ERG: variants seen among roughly 807,000 people sequenced by gnomAD.
The protein encoded by ERG is transcriptional regulator ERG.
In ERG, 9 loss-of-function variants were observed where a neutral mutation model predicts 55.3. The observed-to-expected ratio is 0.16, with a 90% confidence interval of 0.10 to 0.28. ERG has a LOEUF of 0.28. ERG is among the 10% of genes least tolerant of loss of function. The pLI is 1.00. For synonymous variants in ERG, 223 were observed against 237.3 expected (o/e 0.94, Z 0.55); for missense variants, 434 against 631.6 (o/e 0.69, Z 3.35).
chr21:38,428,576 C>T (rs1989954887), intron 2 of ERG, among the ~76,000 whole-genome samples: 1 of 152,212 alleles, frequency 6.6e-6, no homozygotes, highest in Non-Finnish European at 1.5e-5. Flanking sequence ...AGGATGAGTG[C>T]TGCAATGTAC....
At chr21:38,525,444 C>T (rs2059623296) in intron 2 of ERG, among the ~76,000 whole-genome samples, 1 of 152,194 alleles carries the variant, frequency 6.6e-6, no homozygotes, top group Non-Finnish European at 1.5e-5. Flanking sequence ...AAAAGCCTGC[C>T]AGACATCTCT....
intron 2 of ERG, among the ~76,000 whole-genome samples, chr21:38,552,168 T>C (rs757608144): frequency 1.3e-5 from 2 of 151,886 alleles, no homozygotes; most frequent in African/African-American, 2.4e-5. Flanking sequence ...CAATAACGAA[T>C]TACAAAATTA....
intron 3 of ERG, among the ~76,000 whole-genome samples, chr21:38,409,221 T>C (rs2018566): frequency 0.87 from 131,807 of 152,004 alleles, 57,719 homozygotes; most frequent in Non-Finnish European, 0.94. Context: ...TGGTGGCTCA[T>C]ACCTGTAATC....
chr21:38,509,861 T>G (rs574760527), intron 2 of ERG, among the ~76,000 whole-genome samples: 1 of 152,314 alleles, frequency 6.6e-6, no homozygotes, highest in Non-Finnish European at 1.5e-5. Context: ...CTGTTATTAT[T>G]TTCTCTGAAA....
chr21:38,370,890 G>A, the ERG span, among the ~76,000 whole-genome samples: 2 of 151,502 alleles, frequency 1.3e-5, no homozygotes, highest in Non-Finnish European at 2.9e-5. Flanking sequence ...GCATAGCTGG[G>A]CCTGTGCAAT....
the ERG span, among the ~76,000 whole-genome samples, chr21:38,371,249 C>A: frequency 6.6e-6 from 1 of 151,954 alleles, no homozygotes; most frequent in Non-Finnish European, 1.5e-5. Context: ...TTGATTCCAA[C>A]AATTTTGCTA....
At chr21:38,635,282 T>C (rs554962790) in intron 1 of ERG, among the ~76,000 whole-genome samples, 43 of 152,264 alleles carry the variant, frequency 2.8e-4, no homozygotes, top group African/African-American at 1.0e-3. Context: ...TATAATAGTA[T>C]AGCCTACTGT....
chr21:38,466,390 C>T (rs2059090706), intron 1 of ERG, among the ~76,000 whole-genome samples: 1 of 150,458 alleles, frequency 6.6e-6, no homozygotes, highest in African/African-American at 2.4e-5. Context: ...TATAAATCAT[C>T]TCATCTTGCT....
At chr21:38,388,260 G>T (rs1987798719) in intron 9 of ERG, among the ~76,000 whole-genome samples, 1 of 152,210 alleles carries the variant, frequency 6.6e-6, no homozygotes, top group African/African-American at 2.4e-5. Context: ...GGATGTAAAG[G>T]AGCTGTGTTG....
intron 4 of ERG, 55 bp downstream of exon 4, chr21:38,403,451 A>G (rs2836373): frequency 0.91 from 1,426,541 of 1,563,544 alleles, 654,623 homozygotes; most frequent in Non-Finnish European, 0.94. Context: ...TCTGAAGCTC[A>G]GGTCATAAGA....
intron 1 of ERG, among the ~76,000 whole-genome samples, chr21:38,577,884 C>T (rs1183436684): frequency 6.6e-6 from 1 of 152,226 alleles, no homozygotes; most frequent in Non-Finnish European, 1.5e-5. Context: ...GGGACTGAAG[C>T]TCGTCCCCCT....
intron 2 of ERG, among the ~76,000 whole-genome samples, chr21:38,520,953 C>T (rs551875333): frequency 6.6e-6 from 1 of 152,012 alleles, no homozygotes; most frequent in Non-Finnish European, 1.5e-5. Context: ...TATCAGGATT[C>T]GAGACTGGGA....
intron 2 of ERG, among the ~76,000 whole-genome samples, chr21:38,564,648 T>A (rs769619606): frequency 1.3e-5 from 2 of 152,088 alleles, no homozygotes; most frequent in African/African-American, 2.4e-5. Context: ...ATCACTCATA[T>A]GAAGGTCACA....
intron 1 of ERG, among the ~76,000 whole-genome samples, chr21:38,609,595 C>G (rs2060214479): frequency 1.3e-5 from 2 of 152,200 alleles, no homozygotes; most frequent in South Asian, 4.1e-4. Flanking sequence ...AACAACATAA[C>G]CTTGAATGAA....
At chr21:38,426,925 C>T (rs1258138672) in intron 2 of ERG, among the ~76,000 whole-genome samples, 2 of 60,674 alleles carry the variant, frequency 3.3e-5, no homozygotes, top group African/African-American at 1.3e-4. Context: ...AGCAAGACTC[C>T]ATGTCAAAAA....
intron 1 of ERG, among the ~76,000 whole-genome samples, chr21:38,592,433 G>C (rs186688266): frequency 6.6e-5 from 10 of 152,340 alleles, no homozygotes; most frequent in Admixed American, 4.6e-4. Context: ...GATGAGAGGA[G>C]AAACCAGGGA....
At chr21:38,508,098 C>T (rs2059483693) in intron 2 of ERG, among the ~76,000 whole-genome samples, 1 of 75,774 alleles carries the variant, frequency 1.3e-5, no homozygotes, top group Non-Finnish European at 3.2e-5. Flanking sequence ...CACAGACACA[C>T]AGGCAAACAC....
At chr21:38,597,726 A>G (rs1194502386) in intron 1 of ERG, among the ~76,000 whole-genome samples, 1 of 152,188 alleles carries the variant, frequency 6.6e-6, no homozygotes, top group Admixed American at 6.5e-5. Flanking sequence ...CTGAGGGAAT[A>G]AGTCCTTCCT....
At position 38,597,954 on chromosome 21, in the gene ERG, C is replaced by T. The variant is rs925103200; in HGVS notation, c.-149-13009G>A. 5.3e-5 allele frequency among the ~76,000 whole-genome samples: 8 copies of T among 152,238 alleles called. No individual in the cohort carries two copies. In the South Asian group the frequency reaches 6.2e-4, roughly 12 times the overall value. ...ATTATGTGGGAAATAACTGAGAGTTCGTTAATAAGCACAAAACAATCCAGC... is the reference window on the plus strand; with the variant it reads ...ATTATGTGGGAAATAACTGAGAGTTTGTTAATAAGCACAAAACAATCCAGC... On this transcript the variant is annotated intron_variant, in intron 1 of 10. Coordinates refer to the ERG transcript ENST00000398910.
Sources: gnomAD v4.1 joint callset for allele counts (sites outside exome capture counted in the v4.1 genomes callset) on GRCh38, gnomAD v4.1.1 for gene constraint, MANE v1.5 for transcripts, NCBI Gene and HGNC (gene_info 2026-07-23, HGNC 2026-07-21) for gene names.